The following LRRC49 variants were observed in gnomAD, a reference collection of about 807,000 sequenced individuals.
LRRC49 encodes leucine-rich repeat-containing protein 49.
LRRC49 carries 50 observed loss-of-function variants against 83.3 expected under a neutral mutation model. The observed-to-expected ratio is 0.60, with a 90% CI of 0.48 to 0.76. LRRC49 has a LOEUF of 0.76. Among genes scored for constraint, LRRC49 ranks in the 30% least tolerant of loss-of-function variants. The pLI, the probability that LRRC49 is intolerant of heterozygous loss-of-function variation, is 0.00. For synonymous variants in LRRC49, 286 were observed against 283.3 expected (o/e 1.01, Z -0.10); for missense variants, 704 against 809.1 (o/e 0.87, Z 1.58).
chr15:70,860,293 G>A (rs190970025), intron 1 of LRRC49: 48 of 535,384 alleles, frequency 9.0e-5, no homozygotes, highest in Admixed American at 6.1e-4. Flanking sequence ...CAGCCCACCC[G>A]CGGGGGAGTT....
chr15:70,930,333 A>T (rs1010495028), intron 7 of LRRC49, among the ~76,000 whole-genome samples: 10 of 152,060 alleles, frequency 6.6e-5, no homozygotes, highest in Non-Finnish European at 1.3e-4. Flanking sequence ...TGAAAGGAAA[A>T]TTTTTTCCTG....
chr15:70,874,605 TGTGA>T (rs2033115021), intron 2 of LRRC49, among the ~76,000 whole-genome samples: 1 of 152,226 alleles, frequency 6.6e-6, no homozygotes, highest in South Asian at 2.1e-4. Flanking sequence ...TAATCAGTTA[TGTGA>T]GTATGGACAA....
intron 8 of LRRC49, among the ~76,000 whole-genome samples, chr15:70,939,480 T>G (rs745313656): frequency 6.6e-6 from 1 of 152,202 alleles, no homozygotes; most frequent in South Asian, 2.1e-4. Context: ...CAAAGTTCTC[T>G]TGGCAGTTGT....
At chr15:70,861,548 T>G (rs917973863) in intron 1 of LRRC49, among the ~76,000 whole-genome samples, 14 of 152,088 alleles carry the variant, frequency 9.2e-5, no homozygotes, top group African/African-American at 3.4e-4. Context: ...CCCACTCCCC[T>G]AAGTTTGAGG....
upstream of LRRC49, among the ~76,000 whole-genome samples, chr15:70,891,067 C>T (rs899019944): frequency 6.6e-6 from 1 of 152,124 alleles, no homozygotes; most frequent in South Asian, 2.1e-4. Context: ...GTAAGGATTA[C>T]AGACCCCTGA....
chr15:70,917,378 AC>A (rs563976854), intron 6 of LRRC49, among the ~76,000 whole-genome samples: 176 of 152,080 alleles, frequency 1.2e-3, no homozygotes, highest in Non-Finnish European at 2.2e-3. Flanking sequence ...ATCAGCACTC[AC>A]TTCCTCTACC....
chr15:71,038,629 G>A (rs566706112), intron 15 of LRRC49, among the ~76,000 whole-genome samples: 1 of 152,236 alleles, frequency 6.6e-6, no homozygotes, highest in South Asian at 2.1e-4. Flanking sequence ...TTCTTCTAGT[G>A]TGAAAGGTCA....
chr15:70,939,914 A>G (rs987036508), intron 8 of LRRC49, among the ~76,000 whole-genome samples: 2 of 148,286 alleles, frequency 1.3e-5, no homozygotes, highest in Admixed American at 6.8e-5. Context: ...TTGTTAGTAC[A>G]TATGTTAGTA....
rs919246785 is a variant in LRRC49 at position 71,052,021 on chromosome 15, G to A, written c.*2409G>A. ...CGTCGAATGGCGATCCTCCCATCTAGTTCTACACTCCAAACTCATTTTGCG... is the reference window on the plus strand; with the variant it reads ...CGTCGAATGGCGATCCTCCCATCTAATTCTACACTCCAAACTCATTTTGCG... On this transcript the variant is annotated 3_prime_UTR_variant, in exon 16 of 16. Transcript: ENST00000260382. 6.6e-6 allele frequency: 1 copy of A among 152,204 alleles called. No individual in the cohort carries two copies. Among genetic ancestry groups the A allele is most frequent in the African/African-American group, 2.4e-5 (1 of 41,424 alleles). 9.4% of individuals were successfully genotyped at this position (152,204 alleles called of 1,614,324 possible). A position where few individuals can be genotyped will look rare whatever the true frequency, so the allele number is the denominator to read the frequency against.
chr15:70,943,312 G>C lies in LRRC49; in HGVS notation c.773+6490G>C, dbSNP rs185518572. 7.2e-5 allele frequency among the ~76,000 whole-genome samples: 11 copies of C among 152,222 alleles called. No homozygotes were observed. The South Asian group carries it at 1.0e-3, about 14-fold the overall frequency. ...CTTGCCTCCTCAGAAGAAAGAATTT[G>C]ACTGAGGGGCATAAGGCAAAAGGAG... On this transcript the variant is annotated intron_variant, in intron 8 of 15. Coordinates refer to ENST00000260382, the MANE Select transcript of LRRC49 (RefSeq NM_017691.5).
intron 1 of LRRC49, chr15:70,854,142 C>G: frequency 8.4e-6 from 10 of 1,193,066 alleles, no homozygotes; most frequent in Non-Finnish European, 1.0e-5. Flanking sequence ...GCCCAGCCAG[C>G]CGGTCGGCAG....
chr15:70,917,409 T>C (rs2034827545), intron 6 of LRRC49, among the ~76,000 whole-genome samples: 1 of 152,196 alleles, frequency 6.6e-6, no homozygotes, highest in African/African-American at 2.4e-5. Context: ...ATAAAAGCCC[T>C]GGACTCAGCC....
At chr15:70,928,638 T>A (rs1229126486) in intron 7 of LRRC49, among the ~76,000 whole-genome samples, 2 of 152,168 alleles carry the variant, frequency 1.3e-5, no homozygotes, top group African/African-American at 4.8e-5. Context: ...CAGTCTTGGC[T>A]CACTGCAAGC....
At chr15:71,018,866 C>A (rs1376892371) in intron 14 of LRRC49, among the ~76,000 whole-genome samples, 1 of 152,176 alleles carries the variant, frequency 6.6e-6, no homozygotes, top group African/African-American at 2.4e-5. Flanking sequence ...TGACAACCCC[C>A]TTCTTGGGGG....
chr15:71,003,125 T>C (rs1159081016), intron 11 of LRRC49, among the ~76,000 whole-genome samples: 2 of 151,652 alleles, frequency 1.3e-5, no homozygotes, highest in Non-Finnish European at 2.9e-5. Context: ...TTAGTAGAGA[T>C]GGGGTTTCAT....
intron 6 of LRRC49, among the ~76,000 whole-genome samples, chr15:70,912,795 G>A (rs1373937221): frequency 3.3e-5 from 5 of 152,044 alleles, no homozygotes; most frequent in Non-Finnish European, 7.4e-5. Flanking sequence ...TCCTGCCTCA[G>A]CCTCCTGAGT....
At chr15:71,011,413 A>G (rs576399612) in intron 13 of LRRC49, among the ~76,000 whole-genome samples, 10 of 152,184 alleles carry the variant, frequency 6.6e-5, no homozygotes, top group Non-Finnish European at 1.3e-4. Flanking sequence ...TCAGGAAGGA[A>G]TAGTGTAGTT....
chr15:70,867,434 GC>G (rs201276621), intron 1 of LRRC49, among the ~76,000 whole-genome samples: 2,191 of 152,244 alleles, frequency 0.014, 55 homozygotes, highest in African/African-American at 0.049. Context: ...GACGGGAATG[GC>G]CATTTTTGGA....
chr15:70,963,536 A>G (rs2036683066), intron 8 of LRRC49, among the ~76,000 whole-genome samples: 1 of 152,114 alleles, frequency 6.6e-6, no homozygotes, highest in African/African-American at 2.4e-5. Context: ...AACTAAGGGA[A>G]ACCTGGATAA....
Sources: gnomAD v4.1 joint callset for allele counts (sites outside exome capture counted in the v4.1 genomes callset) on GRCh38, gnomAD v4.1.1 for gene constraint, MANE v1.5 for transcripts, NCBI Gene and HGNC (gene_info 2026-07-23, HGNC 2026-07-21) for gene names.